GBF1: variants seen among roughly 807,000 people sequenced by gnomAD.
GBF1 encodes the protein golgi brefeldin A resistant guanine nucleotide exchange factor 1, also known as Golgi-specific brefeldin A-resistance guanine nucleotide exchange factor 1.
In GBF1, 114 loss-of-function variants were observed where a neutral mutation model predicts 210.5. The ratio of observed to expected loss-of-function variants is 0.54; its 90% CI spans 0.47 to 0.63. GBF1 has a LOEUF of 0.63. Among genes scored for constraint, GBF1 ranks in the 30% least tolerant of loss-of-function variants. The probability of loss-of-function intolerance (pLI) is 0.00; values close to 1 mark genes in which losing one functional copy is unlikely to be tolerated. For synonymous variants in GBF1, 850 were observed against 889.2 expected, an observed-to-expected ratio of 0.96 and a Z score of 0.78; for missense variants, 1,851 against 2,357.7, an observed-to-expected ratio of 0.79 and a Z score of 4.45.
At position 102,260,120 on chromosome 10, in the gene GBF1, AGTC is replaced by A. The variant is rs752377654; in HGVS notation, c.163+5_163+7del. 4 of 1,431,660 alleles carry A rather than the reference AGTC, an allele frequency of 2.8e-6. No individual in the cohort carries two copies. The highest frequency in any genetic ancestry group is 3.9e-6 in the Non-Finnish European group (4 of 1,015,696). The allele number at this position is 1,431,660 out of a possible 1,614,324, so 88.7% of individuals were successfully genotyped here. A position where few individuals can be genotyped will look rare whatever the true frequency, so the allele number is the denominator to read the frequency against. ...GAGGTTTTAAACAGTATAACAGGTA[AGTC>A]TCCATATGTATGTGGATTACTAATC... On this transcript the variant is annotated splice_donor_5th_base_variant and intron_variant, in intron 3 of 39. Coordinates refer to ENST00000369983, the MANE Select transcript of GBF1 (RefSeq NM_001377137.1).
intron 3 of GBF1, among the ~76,000 whole-genome samples, chr10:102,308,394 T>C (rs1377664597): frequency 6.6e-6 from 1 of 152,096 alleles, no homozygotes; most frequent in Non-Finnish European, 1.5e-5. Flanking sequence ...CAAAAGACTA[T>C]AAATCATGCT....
intron 21 of GBF1, 39 bp from the exon 22 acceptor site, chr10:102,368,179 C>A: frequency 7.5e-7 from 1 of 1,341,352 alleles, no homozygotes; most frequent in Non-Finnish European, 1.1e-6. Flanking sequence ...TAGTCAGGTT[C>A]AAAGCAGTGC....
At chr10:102,340,904 T>C (rs1278784454) in intron 3 of GBF1, among the ~76,000 whole-genome samples, 1 of 152,206 alleles carries the variant, frequency 6.6e-6, no homozygotes, top group East Asian at 1.9e-4. Context: ...GACTTGGAAT[T>C]AGGCAGAGTC....
chr10:102,370,985 AC>A, intron 29 of GBF1, 125 bp downstream of exon 29: 1 of 899,862 alleles, frequency 1.1e-6, no homozygotes, highest in Non-Finnish European at 1.7e-6. Context: ...CCAGTGACCA[AC>A]CACAGGGCTG....
intron 24 of GBF1, 55 bp from the exon 25 acceptor site, chr10:102,369,656 C>G (rs181877698): frequency 6.6e-7 from 1 of 1,514,296 alleles, no homozygotes; most frequent in South Asian, 1.1e-5. Flanking sequence ...TGGGTGGAGG[C>G]GGGCACAAAT....
At chr10:102,351,698 G>A (rs554426532) in intron 5 of GBF1, 145 bp from the exon 6 acceptor site, 2 of 629,286 alleles carry the variant, frequency 3.2e-6, no homozygotes, top group Non-Finnish European at 5.8e-6. Context: ...CATAAAAAGT[G>A]AAGAAACAAT....
chr10:102,286,932 G>A (rs1030546167), intron 3 of GBF1, among the ~76,000 whole-genome samples: 2 of 152,134 alleles, frequency 1.3e-5, no homozygotes, highest in African/African-American at 4.8e-5. Context: ...TGTAGGATAT[G>A]TAATATAATT....
chr10:102,317,900 ATTT>A (rs1819837368), intron 3 of GBF1, among the ~76,000 whole-genome samples: 1 of 108,380 alleles, frequency 9.2e-6, no homozygotes, highest in African/African-American at 3.0e-5. Context: ...TTATTTATTT[ATTT>A]TTATTTATTT....
chr10:102,288,604 G>A (rs1299134675), intron 3 of GBF1, among the ~76,000 whole-genome samples: 1 of 151,738 alleles, frequency 6.6e-6, no homozygotes, highest in Non-Finnish European at 1.5e-5. Flanking sequence ...CCAGCTACTC[G>A]AGAGGCTGAG....
At chr10:102,336,557 A>C (rs1001241014) in intron 3 of GBF1, among the ~76,000 whole-genome samples, 3 of 152,090 alleles carry the variant, frequency 2.0e-5, no homozygotes, top group Non-Finnish European at 4.4e-5. Context: ...TTTAAATGTA[A>C]TTTATTTAAA....
chr10:102,334,176 A>G (rs75314476), intron 3 of GBF1, among the ~76,000 whole-genome samples: 1,860 of 152,324 alleles, frequency 0.012, 32 homozygotes, highest in African/African-American at 0.043. Context: ...CTCTGAGGGC[A>G]AAAAGGTCGA....
At chr10:102,336,839 A>ATGAT (rs148607074) in intron 3 of GBF1, among the ~76,000 whole-genome samples, 1,851 of 152,298 alleles carry the variant, frequency 0.012, 32 homozygotes, top group African/African-American at 0.043. Flanking sequence ...ATTTTCCTGA[A>ATGAT]CAGTCAAAAA....
chr10:102,269,866 T>C (rs1387116087), intron 3 of GBF1, among the ~76,000 whole-genome samples: 2 of 152,148 alleles, frequency 1.3e-5, no homozygotes, highest in East Asian at 3.9e-4. Context: ...ATGGGTTGCA[T>C]GGCATTCTCT....
Position 102,354,715 on chromosome 10 carries a change from G to A in GBF1, c.639+1061G>A, listed in dbSNP as rs114002765. 6.2e-3 allele frequency among the ~76,000 whole-genome samples: 947 copies of A among 152,092 alleles called. 6 individuals carry two copies. The highest frequency in any genetic ancestry group is 0.02 in the African/African-American group (816 of 41,478). On this transcript the variant is annotated intron_variant, in intron 8 of 39. Coordinates refer to ENST00000369983, the MANE Select transcript of GBF1 (RefSeq NM_001377137.1). ...CACATAGTTAGCCTAGAAAGCCTGG[G>A]GTCTGCTGTTACCTTGTGGGGAGGC... is the stretch of plus-strand genomic sequence containing the variant.
chr10:102,380,046 A>G (rs1237028769), intron 36 of GBF1, 92 bp downstream of exon 36: 20 of 869,296 alleles, frequency 2.3e-5, no homozygotes, highest in Non-Finnish European at 3.6e-5. Flanking sequence ...CTAGAGATGC[A>G]CTGTAGGTGC....
chr10:102,325,382 T>C (rs906309849), intron 3 of GBF1, among the ~76,000 whole-genome samples: 1 of 151,930 alleles, frequency 6.6e-6, no homozygotes, highest in African/African-American at 2.4e-5. Context: ...AAACCCCGTC[T>C]CTACTAAAAA....
the GBF1 span, among the ~76,000 whole-genome samples, chr10:102,234,021 G>A: frequency 1.3e-5 from 2 of 152,342 alleles, no homozygotes; most frequent in South Asian, 4.1e-4. Context: ...ACAGAGGGAA[G>A]GGGTAGAGAG....
chr10:102,253,109 G>T (rs1727128644), intron 1 of GBF1, among the ~76,000 whole-genome samples: 1 of 152,074 alleles, frequency 6.6e-6, no homozygotes, highest in African/African-American at 2.4e-5. Flanking sequence ...TGGCCAGGCT[G>T]GTCTCAAACT....
intron 3 of GBF1, among the ~76,000 whole-genome samples, chr10:102,332,737 C>T (rs1233349834): frequency 6.6e-6 from 1 of 152,036 alleles, no homozygotes; most frequent in East Asian, 1.9e-4. Context: ...TACTGCTGGC[C>T]CTAAGTGGAT....
Sources: gnomAD v4.1 joint callset for allele counts (sites outside exome capture counted in the v4.1 genomes callset) on GRCh38, gnomAD v4.1.1 for gene constraint, MANE v1.5 for transcripts, NCBI Gene and HGNC (gene_info 2026-07-23, HGNC 2026-07-21) for gene names.